Variants in GAREM1 observed in about 807,000 individuals in gnomAD.
GAREM1 encodes GRB2-associated and regulator of MAPK protein 1.
Under a neutral mutation model 71.3 loss-of-function variants are expected in GAREM1, and 26 were observed. The ratio of observed to expected loss-of-function variants is 0.36; its 90% CI spans 0.27 to 0.51. The LOEUF is 0.51. GAREM1 is among the 20% of genes least tolerant of loss of function. The pLI, the probability that GAREM1 is intolerant of heterozygous loss-of-function variation, is 0.95. For synonymous variants in GAREM1, 440 were observed against 433.2 expected, an observed-to-expected ratio of 1.02 and a Z score of -0.20; for missense variants, 1,026 against 1,103.1, an observed-to-expected ratio of 0.93 and a Z score of 0.99.
At position 32,267,164 on chromosome 18, in the gene GAREM1, T is replaced by A. The variant is rs961358000; in HGVS notation, c.*707A>T. ...AAATTATGTGTAAAACATATCCGGG[T>A]GTATTGTGTATGCACCTATACATGT... On this transcript the variant is annotated 3_prime_UTR_variant, in exon 6 of 6. Coordinates refer to ENST00000269209, the MANE Select transcript of GAREM1 (RefSeq NM_001242409.2). 3 of 152,216 alleles carry A rather than the reference T, an allele frequency of 2.0e-5. No homozygotes were observed. Among genetic ancestry groups the A allele is most frequent in the Non-Finnish European group, 4.4e-5 (3 of 68,036 alleles). The allele number at this position is 152,216 out of a possible 1,614,324, so 9.4% of individuals were successfully genotyped here. A position where few individuals can be genotyped will look rare whatever the true frequency, so the allele number is the denominator to read the frequency against.
intron 3 of GAREM1, 145 bp downstream of exon 3, chr18:32,310,048 A>G: frequency 1.4e-6 from 1 of 717,396 alleles, no homozygotes. Flanking sequence ...CAGCTACAAT[A>G]TATGTGGTTT....
intron 1 of GAREM1, among the ~76,000 whole-genome samples, chr18:32,400,972 C>T (rs1567996433): frequency 6.6e-6 from 1 of 152,128 alleles, no homozygotes; most frequent in Non-Finnish European, 1.5e-5. Context: ...GGCACATATA[C>T]ACCATGGAAT....
At chr18:32,313,478 C>G (rs1375474215) in intron 2 of GAREM1, among the ~76,000 whole-genome samples, 3 of 152,088 alleles carry the variant, frequency 2.0e-5, no homozygotes, top group African/African-American at 7.2e-5. Flanking sequence ...AGATGGCAAA[C>G]AGCTAAATGA....
chr18:32,325,973 A>G (rs1032054494), intron 2 of GAREM1, among the ~76,000 whole-genome samples: 2 of 152,220 alleles, frequency 1.3e-5, no homozygotes, highest in Admixed American at 1.3e-4. Flanking sequence ...TACACTTGTC[A>G]TGAATGAAAA....
chr18:32,288,260 A>C (rs553416671), intron 3 of GAREM1, 57 bp from the exon 4 acceptor site: 1 of 1,403,368 alleles, frequency 7.1e-7, no homozygotes, highest in East Asian at 2.3e-5. Flanking sequence ...TCACGCAAAG[A>C]ACTTCCTATT....
chr18:32,465,056 T>G (rs144142050), intron 1 of GAREM1, among the ~76,000 whole-genome samples: 98 of 152,262 alleles, frequency 6.4e-4, no homozygotes, highest in African/African-American at 2.3e-3. Flanking sequence ...CAAGATCACA[T>G]GACTATGAAA....
chr18:32,359,498 C>T (rs1005182293), intron 2 of GAREM1, among the ~76,000 whole-genome samples: 22 of 152,168 alleles, frequency 1.4e-4, no homozygotes, highest in African/African-American at 5.1e-4. Flanking sequence ...GATTATATAT[C>T]CTTTCCTGTG....
In GAREM1 at chr18:32,265,423, A is replaced by G. The variant is rs2041359314; in HGVS notation, c.*2448T>C. ...GACACACGTAATTCTCCATATACCC[A>G]GCTGCCCATAGGACTTCACGTCTTT... is the stretch of plus-strand genomic sequence containing the variant. On this transcript the variant is annotated 3_prime_UTR_variant, in exon 6 of 6. Coordinates refer to ENST00000269209, the MANE Select transcript of GAREM1 (RefSeq NM_001242409.2). 6.6e-6 allele frequency: 1 copy of G among 152,212 alleles called. No homozygotes were observed. Among genetic ancestry groups the G allele is most frequent in the Non-Finnish European group, 1.5e-5 (1 of 68,038 alleles). The allele number at this position is 152,212 out of a possible 1,614,324, so 9.4% of individuals were successfully genotyped here.
rs894283666 is a variant in GAREM1 at position 32,265,996 on chromosome 18, T to C, written c.*1875A>G. 2.6e-5 allele frequency: 4 copies of C among 152,174 alleles called. No homozygotes were observed. The highest frequency in any genetic ancestry group is 5.9e-5 in the Non-Finnish European group (4 of 68,040). The allele number at this position is 152,174 out of a possible 1,614,324, so 9.4% of individuals were successfully genotyped here. A position where few individuals can be genotyped will look rare whatever the true frequency, so the allele number is the denominator to read the frequency against. On this transcript the variant is annotated 3_prime_UTR_variant, in exon 6 of 6. Transcript: ENST00000269209. ...CTTCATAGGTCTCATGTCCTGTGAG[T>C]GCAGTACCAGCACTTCCTCATTGAG...
At chr18:32,307,114 C>T (rs1050616038) in intron 3 of GAREM1, among the ~76,000 whole-genome samples, 2 of 152,024 alleles carry the variant, frequency 1.3e-5, no homozygotes, top group Non-Finnish European at 2.9e-5. Context: ...ACTAGAGTTC[C>T]CCTTTTTCTA....
intron 2 of GAREM1, among the ~76,000 whole-genome samples, chr18:32,363,867 CA>C (rs1281239246): frequency 6.0e-5 from 9 of 149,678 alleles, no homozygotes; most frequent in African/African-American, 2.0e-4. Flanking sequence ...CTTATTTTGG[CA>C]AAGGTTATCT....
At chr18:32,379,121 A>G (rs995244450) in intron 2 of GAREM1, among the ~76,000 whole-genome samples, 7 of 152,102 alleles carry the variant, frequency 4.6e-5, no homozygotes, top group African/African-American at 1.7e-4. Context: ...CCTCATCCAG[A>G]AAAGGACAGT....
Position 32,470,356 on chromosome 18 carries a change from G to C in GAREM1, c.73C>G (p.Leu25Val). ...GGCAGCCGGTAAGTGCTGACCAGGA[G>C]GTCGAGCGGCACGGCCACCGAGCTC... ...KWSSVAVPLD[L>V]LVSTYRLPQI... Residue 25 changes from leucine to valine, a missense_variant, in exon 1 of 6, where the codon CTC (leucine) becomes GTC (valine). Physicochemically the swap from Leu to Val is conservative, Grantham distance 32 (BLOSUM62 1). Around this residue, in one of 3 missense-constraint regions of GAREM1, gnomAD observed 172 missense variants for 175.2 expected, o/e 0.98. Transcript: ENST00000269209. This position sits in a 1 kb window ranked among gnomAD's most constrained non-coding sequence, Gnocchi z 4.4. 1 of 1,560,336 alleles carries C rather than the reference G, an allele frequency of 6.4e-7. No individual in the cohort carries two copies. Among genetic ancestry groups the C allele is most frequent in the Non-Finnish European group, 8.7e-7 (1 of 1,154,442 alleles).
chr18:32,469,531 A>T (rs1324710634), intron 1 of GAREM1, among the ~76,000 whole-genome samples: 1 of 152,220 alleles, frequency 6.6e-6, no homozygotes, highest in African/African-American at 2.4e-5. Flanking sequence ...GCTTGACAGT[A>T]TGCGCAACTA....
rs769017568 is a variant in GAREM1, at chr18:32,268,221, C to G, written c.2281G>C (p.Asp761His). The change falls in exon 6 of 6, where the codon GAT (aspartate) becomes CAT (histidine). Residue 761 changes from aspartate to histidine, a missense_variant. Coordinates refer to ENST00000269209, the MANE Select transcript of GAREM1 (RefSeq NM_001242409.2). ...AEEDPKSGSP[D>H]LSEDQYFVKK... is the part of the protein sequence containing the mutation. ...ACAAAATACTGGTCCTCCGAGAGAT[C>G]TGGTGACCCAGACTTGGGGTCTTCC... 12 of 1,614,158 alleles carry G rather than the reference C, an allele frequency of 7.4e-6. No individual in the cohort carries two copies. In the South Asian group the frequency reaches 1.3e-4, roughly 18 times the overall value.
intron 2 of GAREM1, among the ~76,000 whole-genome samples, chr18:32,346,112 T>C (rs1276342516): frequency 6.6e-6 from 1 of 152,140 alleles, no homozygotes; most frequent in Non-Finnish European, 1.5e-5. Flanking sequence ...GGCTCCTTTG[T>C]GGTCTGTTTT....
At chr18:32,301,718 C>T (rs1054198110) in intron 3 of GAREM1, among the ~76,000 whole-genome samples, 9 of 152,212 alleles carry the variant, frequency 5.9e-5, no homozygotes, top group African/African-American at 2.2e-4. Flanking sequence ...CCGGGACCTT[C>T]CCTTTGTTCT....
intron 2 of GAREM1, among the ~76,000 whole-genome samples, chr18:32,382,256 G>T (rs945974966): frequency 3.3e-5 from 5 of 152,166 alleles, no homozygotes; most frequent in African/African-American, 1.2e-4. Flanking sequence ...GGTGCAAATT[G>T]TTACAGGGAT....
chr18:32,408,166 CCTAA>C (rs773883187), intron 1 of GAREM1, among the ~76,000 whole-genome samples: 13 of 152,130 alleles, frequency 8.5e-5, no homozygotes, highest in East Asian at 3.9e-4. Flanking sequence ...TTTCAAGCTT[CCTAA>C]CTAATTTCTG....
Sources: allele counts gnomAD v4.1 joint callset (sites outside exome capture counted in the v4.1 genomes callset), GRCh38; gene constraint gnomAD v4.1.1; regional missense constraint gnomAD v4.1.1; non-coding constraint Gnocchi (gnomAD v3.1); transcripts MANE v1.5; gene names NCBI Gene and HGNC (gene_info 2026-07-23, HGNC 2026-07-21).